Variants in PPFIA2 observed in about 807,000 individuals in gnomAD.
PPFIA2 encodes liprin-alpha-2.
In PPFIA2, 46 loss-of-function variants were observed where a neutral mutation model predicts 175.5. That is an observed-to-expected ratio of 0.26 (90% CI 0.21 to 0.34). The LOEUF is 0.34. PPFIA2 is among the 10% of genes least tolerant of loss of function. The pLI, the probability that PPFIA2 is intolerant of heterozygous loss-of-function variation, is 1.00. For synonymous variants in PPFIA2, 568 were observed against 511.4 expected, an observed-to-expected ratio of 1.11 and a Z score of -1.49; for missense variants, 1,179 against 1,506.1, an observed-to-expected ratio of 0.78 and a Z score of 3.60.
rs778249281 is a variant in PPFIA2 at position 81,339,328 on chromosome 12, T to C, written c.2400A>G (p.Leu800=). 6 of 1,579,736 alleles carry C rather than the reference T, an allele frequency of 3.8e-6. No individual in the cohort carries two copies. The highest frequency in any genetic ancestry group is 5.1e-6 in the Non-Finnish European group (6 of 1,165,214). Residue 800 remains leucine, a synonymous_variant, in exon 21 of 33, where the codon TTA becomes TTG. Transcript: ENST00000549396. ...SSYHNDARSS[L]SVSLEPESLG... ...GGCTTTCTGGCTCAAGAGAGACAGATAAACTACTGCAAAACACAAAAGAGG... is the reference window on the plus strand; with the variant it reads ...GGCTTTCTGGCTCAAGAGAGACAGACAAACTACTGCAAAACACAAAAGAGG...
intron 22 of PPFIA2, among the ~76,000 whole-genome samples, chr12:81,303,984 G>T (rs1248612669): frequency 6.6e-6 from 1 of 152,138 alleles, no homozygotes; most frequent in Non-Finnish European, 1.5e-5. Flanking sequence ...TGTTGTTGTG[G>T]TCTAATTGGT....
At chr12:81,647,269 T>C (rs991213053) in intron 4 of PPFIA2, among the ~76,000 whole-genome samples, 8 of 152,090 alleles carry the variant, frequency 5.3e-5, no homozygotes, top group African/African-American at 1.9e-4. Context: ...TTATCCACAC[T>C]GAAGCATATT....
intron 8 of PPFIA2, among the ~76,000 whole-genome samples, chr12:81,390,308 G>C (rs1284438527): frequency 6.6e-6 from 1 of 152,008 alleles, no homozygotes; most frequent in Non-Finnish European, 1.5e-5. Flanking sequence ...TCCTAGAGTA[G>C]AATTGATGGA....
chr12:81,665,266 G>T (rs2069933908), intron 4 of PPFIA2, among the ~76,000 whole-genome samples: 1 of 151,946 alleles, frequency 6.6e-6, no homozygotes, highest in African/African-American at 2.4e-5. Flanking sequence ...ATTACTCAGA[G>T]CTTCTCAAAT....
At chr12:81,543,997 T>C (rs1194499357) in intron 4 of PPFIA2, among the ~76,000 whole-genome samples, 1 of 152,136 alleles carries the variant, frequency 6.6e-6, no homozygotes, top group Non-Finnish European at 1.5e-5. Flanking sequence ...TTATGTGGTA[T>C]CCTGGAAGAG....
At chr12:81,422,818 A>G (rs1415466462) in intron 7 of PPFIA2, among the ~76,000 whole-genome samples, 3 of 152,074 alleles carry the variant, frequency 2.0e-5, no homozygotes, top group Non-Finnish European at 4.4e-5. Context: ...CTACCTCCCA[A>G]AACTGTTGCA....
At chr12:81,563,617 G>T (rs1190493311) in intron 4 of PPFIA2, among the ~76,000 whole-genome samples, 2 of 152,110 alleles carry the variant, frequency 1.3e-5, no homozygotes, top group Admixed American at 6.5e-5. Flanking sequence ...CAGCATGGAG[G>T]TCTGTTGAGA....
intron 11 of PPFIA2, among the ~76,000 whole-genome samples, chr12:81,370,088 G>A (rs1177421376): frequency 6.6e-6 from 1 of 151,654 alleles, no homozygotes; most frequent in East Asian, 1.9e-4. Context: ...TTGTATTAGG[G>A]TTTGTTTGTC....
At chr12:81,420,851 C>A (rs2046113542) in intron 7 of PPFIA2, among the ~76,000 whole-genome samples, 1 of 151,658 alleles carries the variant, frequency 6.6e-6, no homozygotes, top group African/African-American at 2.4e-5. Context: ...AACCCCAAAA[C>A]ACTGCACCGA....
At chr12:81,753,902 A>C (rs1597240309) in intron 3 of PPFIA2, 71 bp downstream of exon 3, 5 of 1,546,080 alleles carry the variant, frequency 3.2e-6, no homozygotes, top group Non-Finnish European at 4.4e-6. Context: ...TAACATTAAG[A>C]ATGGGAGTAA....
chr12:81,412,968 C>A (rs534412094), intron 7 of PPFIA2, among the ~76,000 whole-genome samples: 1 of 151,864 alleles, frequency 6.6e-6, no homozygotes, highest in East Asian at 1.9e-4. Flanking sequence ...CCTGGGTAAC[C>A]TTTGTTCCTC....
intron 24 of PPFIA2, among the ~76,000 whole-genome samples, chr12:81,290,061 G>GAATA (rs754781704): frequency 1.3e-5 from 2 of 151,454 alleles, no homozygotes; most frequent in African/African-American, 2.4e-5. Context: ...TAAAGTAGTA[G>GAATA]AATAAATAAA....
intron 27 of PPFIA2, 150 bp from the exon 28 acceptor site, chr12:81,277,564 A>G: frequency 1.2e-6 from 1 of 824,716 alleles, no homozygotes; most frequent in Non-Finnish European, 1.6e-6. Flanking sequence ...TCAGTATTGG[A>G]GGGAAATACA....
chr12:81,519,139 T>C (rs1402505074), intron 4 of PPFIA2, among the ~76,000 whole-genome samples: 1 of 152,156 alleles, frequency 6.6e-6, no homozygotes, highest in Non-Finnish European at 1.5e-5. Context: ...TAAATGGAAA[T>C]TACCTCAATT....
intron 22 of PPFIA2, among the ~76,000 whole-genome samples, chr12:81,318,770 T>G (rs2139489961): frequency 6.6e-6 from 1 of 151,836 alleles, no homozygotes; most frequent in Middle Eastern, 3.4e-3. Flanking sequence ...TTTCGGCACT[T>G]TTCTCATTCT....
intron 3 of PPFIA2, among the ~76,000 whole-genome samples, chr12:81,723,937 A>G (rs1169590282): frequency 6.6e-6 from 1 of 150,982 alleles, no homozygotes; most frequent in Admixed American, 6.6e-5. Context: ...TATCAGCTAA[A>G]ATGTTTGAGA....
At chr12:81,603,868 C>T (rs555373515) in intron 4 of PPFIA2, among the ~76,000 whole-genome samples, 1 of 147,980 alleles carries the variant, frequency 6.8e-6, no homozygotes, top group East Asian at 2.0e-4. Context: ...TACACCTGTC[C>T]CTTACTGTTT....
chr12:81,727,712 C>G (rs1354488461), intron 3 of PPFIA2, among the ~76,000 whole-genome samples: 1 of 151,322 alleles, frequency 6.6e-6, no homozygotes. Flanking sequence ...TTTCATAGAT[C>G]TGGAGTAGTT....
At chr12:81,716,361 A>G (rs970826853) in intron 3 of PPFIA2, among the ~76,000 whole-genome samples, 1 of 151,818 alleles carries the variant, frequency 6.6e-6, no homozygotes, top group African/African-American at 2.4e-5. Flanking sequence ...ATTAGCCTAT[A>G]TAGGAAATAA....
Sources: gnomAD v4.1 joint callset for allele counts (sites outside exome capture counted in the v4.1 genomes callset) on GRCh38, gnomAD v4.1.1 for gene constraint, MANE v1.5 for transcripts, NCBI Gene and HGNC (gene_info 2026-07-23, HGNC 2026-07-21) for gene names.